Variants in CSMD3 observed in about 807,000 individuals in gnomAD.
CSMD3 encodes CUB and sushi domain-containing protein 3.
A neutral mutation model predicts 435.2 loss-of-function variants in CSMD3; 177 were observed. The observed-to-expected ratio is 0.41, with a 90% CI of 0.36 to 0.46. The LOEUF (loss-of-function observed/expected upper bound fraction) is 0.46, where lower values mean the gene tolerates loss of function less well. CSMD3 is among the 20% of genes least tolerant of loss of function. The pLI is 0.34. For missense variants in CSMD3, 4,265 were observed against 4,504.6 expected, an observed-to-expected ratio of 0.95 and a Z score of 1.52; for synonymous variants, 1,656 against 1,520.5, an observed-to-expected ratio of 1.09 and a Z score of -2.07.
chr8:112,336,777 C>G lies in CSMD3; in HGVS notation c.6894G>C (p.Gly2298=), dbSNP rs879070207. 4.3e-6 allele frequency: 7 copies of G among 1,612,792 alleles called. No individual in the cohort carries two copies. The South Asian group carries it at 6.6e-5, about 15-fold the overall frequency. Residue 2298 remains glycine, a synonymous_variant, in exon 44 of 71, where the codon GGG becomes GGC. Transcript: ENST00000297405. The part of the protein sequence containing the change: ...TAMNGTIYSP[G]YPDEYPNFQD... ...GAAAGTTTGGATATTCATCAGGATA[C>G]CCAGGAGAATAAATGGTGCCATTCA... is the stretch of plus-strand genomic sequence containing the variant.
intron 20 of CSMD3, among the ~76,000 whole-genome samples, chr8:112,639,909 C>T (rs552394472): frequency 1.3e-5 from 2 of 152,148 alleles, no homozygotes; most frequent in East Asian, 1.9e-4. Context: ...CTTTTGTGAA[C>T]ATATGTGCTT....
intron 1 of CSMD3, among the ~76,000 whole-genome samples, chr8:113,341,367 A>G (rs2094117668): frequency 6.6e-6 from 1 of 152,182 alleles, no homozygotes; most frequent in African/African-American, 2.4e-5. Context: ...CTGAAAACCT[A>G]TATCTAAACT....
At chr8:112,440,773 A>G (rs527444337) in intron 32 of CSMD3, among the ~76,000 whole-genome samples, 7 of 152,126 alleles carry the variant, frequency 4.6e-5, no homozygotes, top group Non-Finnish European at 1.0e-4. Flanking sequence ...CCCAGGCTAT[A>G]CCTTGGGCCC....
chr8:112,846,332 T>TTTTC (rs1175912954), intron 11 of CSMD3, among the ~76,000 whole-genome samples: 3 of 150,646 alleles, frequency 2.0e-5, no homozygotes, highest in Non-Finnish European at 4.4e-5. Flanking sequence ...TCCTTTCTCT[T>TTTTC]TTTCTTTCTT....
At chr8:112,568,902 T>G (rs900952881) in intron 24 of CSMD3, among the ~76,000 whole-genome samples, 1 of 152,188 alleles carries the variant, frequency 6.6e-6, no homozygotes, top group South Asian at 2.1e-4. Context: ...GTCTTCTCAA[T>G]ATCTCCCTTC....
At chr8:113,213,847 TTA>T (rs2092868979) in intron 3 of CSMD3, among the ~76,000 whole-genome samples, 1 of 152,066 alleles carries the variant, frequency 6.6e-6, no homozygotes, top group African/African-American at 2.4e-5. Context: ...AAATAGATAA[TTA>T]GTCTTTCTTT....
intron 31 of CSMD3, among the ~76,000 whole-genome samples, chr8:112,478,781 A>G (rs1819334819): frequency 6.6e-6 from 1 of 152,194 alleles, no homozygotes; most frequent in Admixed American, 6.5e-5. Context: ...CCCGCGACCC[A>G]GAGTGAGAAC....
chr8:112,239,081 T>C (rs1305028161), intron 66 of CSMD3, among the ~76,000 whole-genome samples: 2 of 152,094 alleles, frequency 1.3e-5, no homozygotes, highest in Admixed American at 1.3e-4. Flanking sequence ...CTGCTGAGTG[T>C]TCAAAATGTG....
chr8:113,065,158 C>T (rs1449766384), intron 5 of CSMD3, among the ~76,000 whole-genome samples: 1 of 152,110 alleles, frequency 6.6e-6, no homozygotes, highest in Non-Finnish European at 1.5e-5. Flanking sequence ...TTGGATTGTA[C>T]TAACCTATAT....
At chr8:112,770,845 G>T (rs1007543243) in intron 13 of CSMD3, among the ~76,000 whole-genome samples, 2 of 151,888 alleles carry the variant, frequency 1.3e-5, no homozygotes, top group African/African-American at 4.8e-5. Context: ...ACCTATAACA[G>T]CTATTTGACT....
At chr8:113,147,021 T>C (rs1209717428) in intron 4 of CSMD3, among the ~76,000 whole-genome samples, 1 of 151,688 alleles carries the variant, frequency 6.6e-6, no homozygotes, top group Non-Finnish European at 1.5e-5. Context: ...TACTAGAATG[T>C]TTAACTATGT....
intron 3 of CSMD3, among the ~76,000 whole-genome samples, chr8:113,275,396 G>A (rs1350640238): frequency 4.6e-5 from 7 of 152,042 alleles, no homozygotes; most frequent in African/African-American, 1.7e-4. Context: ...GAATCAGTGA[G>A]TCTCTTATTA....
intron 22 of CSMD3, among the ~76,000 whole-genome samples, chr8:112,620,487 G>C (rs978821941): frequency 6.6e-6 from 1 of 152,106 alleles, no homozygotes; most frequent in African/African-American, 2.4e-5. Flanking sequence ...GAACCAGTAG[G>C]CCATGGCTTG....
chr8:112,638,958 A>T (rs2131590568), intron 20 of CSMD3, 47 bp from the exon 21 acceptor site: 3 of 1,304,268 alleles, frequency 2.3e-6, no homozygotes, highest in South Asian at 1.2e-5. Context: ...GATCAGTAAA[A>T]CACAGAGAGT....
chr8:112,580,454 T>C (rs1373860425), intron 23 of CSMD3, among the ~76,000 whole-genome samples: 1 of 149,682 alleles, frequency 6.7e-6, no homozygotes, highest in Non-Finnish European at 1.5e-5. Flanking sequence ...AGAATGCCAA[T>C]AATTAGACAA....
intron 1 of CSMD3, among the ~76,000 whole-genome samples, chr8:113,330,978 G>T (rs2132768794): frequency 6.6e-6 from 1 of 151,674 alleles, no homozygotes; most frequent in South Asian, 2.1e-4. Flanking sequence ...CCATATAAAT[G>T]AAATAGAAAA....
Position 113,294,458 on chromosome 8 carries a change from G to A in CSMD3, c.402-15754C>T, listed in dbSNP as rs2093705636. On this transcript the variant is annotated intron_variant, in intron 2 of 70. Coordinates refer to ENST00000297405, the MANE Select transcript of CSMD3 (RefSeq NM_198123.2). ...ATGAGAATATAAATTTCTCGTTAAA[G>A]GCCACATTGTCAGCAAACGGAAAAG... 2.6e-5 allele frequency among the ~76,000 whole-genome samples: 4 copies of A among 152,026 alleles called. No individual in the cohort carries two copies. In the South Asian group the frequency reaches 8.3e-4, roughly 32 times the overall value.
intron 5 of CSMD3, among the ~76,000 whole-genome samples, chr8:113,067,317 A>G (rs1441312116): frequency 6.6e-6 from 1 of 152,124 alleles, no homozygotes; most frequent in Non-Finnish European, 1.5e-5. Context: ...AAAATTACTG[A>G]TTCCATTACA....
intron 23 of CSMD3, among the ~76,000 whole-genome samples, chr8:112,584,767 T>C (rs1329290266): frequency 1.3e-5 from 2 of 151,244 alleles, no homozygotes; most frequent in African/African-American, 2.4e-5. Flanking sequence ...GCAGATTTTA[T>C]AATGGGCTAT....
Sources: gnomAD v4.1 joint callset for allele counts (sites outside exome capture counted in the v4.1 genomes callset) on GRCh38, gnomAD v4.1.1 for gene constraint, MANE v1.5 for transcripts, NCBI Gene and HGNC (gene_info 2026-07-23, HGNC 2026-07-21) for gene names.